INPP4B: variants seen among roughly 807,000 people sequenced by gnomAD.
INPP4B encodes inositol polyphosphate-4-phosphatase type II B.
A neutral mutation model predicts 122.5 loss-of-function variants in INPP4B; 55 were observed. The observed-to-expected ratio is 0.45, with a 90% CI of 0.36 to 0.56. The LOEUF (loss-of-function observed/expected upper bound fraction) is 0.56. Ranked by LOEUF, INPP4B falls within the 20% of genes least tolerant of loss-of-function variation. INPP4B has a pLI of 0.00. For synonymous variants in INPP4B, 403 were observed against 388.7 expected (o/e 1.04, Z -0.43); for missense variants, 1,000 against 1,097.7 (o/e 0.91, Z 1.26).
chr4:142,678,018 A>T (rs943362953), intron 2 of INPP4B, among the ~76,000 whole-genome samples: 20 of 151,850 alleles, frequency 1.3e-4, no homozygotes, highest in African/African-American at 4.8e-4. Flanking sequence ...GAAGAAAAGT[A>T]ACTTTAAAAA....
chr4:142,028,659 A>G lies in INPP4B; in HGVS notation c.*123T>C. 1 of 995,696 alleles carries G rather than the reference A, an allele frequency of 1.0e-6. No homozygotes were observed. Among genetic ancestry groups the G allele is most frequent in the Non-Finnish European group, 1.5e-6 (1 of 678,010 alleles). 61.7% of individuals were successfully genotyped at this position (995,696 alleles called of 1,614,324 possible). On this transcript the variant is annotated 3_prime_UTR_variant, in exon 26 of 26. Transcript: ENST00000262992. ...ATTGAAGTAGTTCCTAGATTTTGGGAAACATCTGTGATCATCTCCCCCACC... is the reference window on the plus strand; with the variant it reads ...ATTGAAGTAGTTCCTAGATTTTGGGGAACATCTGTGATCATCTCCCCCACC...
intron 2 of INPP4B, among the ~76,000 whole-genome samples, chr4:142,601,066 T>TAG (rs1190275115): frequency 2.6e-5 from 4 of 151,892 alleles, no homozygotes; most frequent in Non-Finnish European, 4.4e-5. Context: ...TTACCAGATC[T>TAG]AGAGAGAGAG....
Position 142,429,161 on chromosome 4 carries a change from G to A in INPP4B, c.136+12C>T. The A allele has an allele frequency of 1.3e-6, 2 of 1,482,202 alleles. No homozygotes were observed. The highest frequency in any genetic ancestry group is 1.9e-6 in the Non-Finnish European group (2 of 1,067,516). 91.8% of individuals were successfully genotyped at this position (1,482,202 alleles called of 1,614,324 possible). ...TTATATTTATTGATATAAATAAGAT[G>A]GAATTTCTTACCAAGGATGAATTCC... On this transcript the variant is annotated intron_variant, in intron 5 of 25. Transcript: ENST00000262992.
intron 25 of INPP4B, among the ~76,000 whole-genome samples, chr4:142,038,354 T>C (rs549998353): frequency 5.3e-5 from 8 of 152,302 alleles, no homozygotes; most frequent in Admixed American, 2.6e-4. Context: ...ATTTAGAATA[T>C]ATTATGTTAA....
At chr4:142,845,420 T>C (rs1784063172) in intron 1 of INPP4B, among the ~76,000 whole-genome samples, 1 of 152,098 alleles carries the variant, frequency 6.6e-6, no homozygotes, top group Non-Finnish European at 1.5e-5. Context: ...CCAGAGAGCT[T>C]GAGGAGCCTG....
intron 2 of INPP4B, among the ~76,000 whole-genome samples, chr4:142,638,702 T>C (rs1369935199): frequency 6.6e-6 from 1 of 151,956 alleles, no homozygotes; most frequent in Non-Finnish European, 1.5e-5. Flanking sequence ...CCCGCCACCA[T>C]GTCCGGCTAA....
At chr4:142,748,192 G>A (rs1220031708) in intron 1 of INPP4B, among the ~76,000 whole-genome samples, 3 of 151,900 alleles carry the variant, frequency 2.0e-5, no homozygotes, top group Non-Finnish European at 2.9e-5. Flanking sequence ...AAGAAACTTA[G>A]AAAATGTTTG....
At chr4:142,562,890 T>C (rs1233729075) in intron 2 of INPP4B, among the ~76,000 whole-genome samples, 2 of 152,164 alleles carry the variant, frequency 1.3e-5, no homozygotes, top group Non-Finnish European at 2.9e-5. Context: ...TAAATGCCAT[T>C]GTAGTTGAAT....
intron 7 of INPP4B, among the ~76,000 whole-genome samples, chr4:142,359,375 C>T (rs1784672709): frequency 6.6e-6 from 1 of 151,918 alleles, no homozygotes; most frequent in South Asian, 2.1e-4. Flanking sequence ...AGTACCTACC[C>T]TCATGTTGTT....
In INPP4B at chr4:142,267,995, T is replaced by C. The variant is rs115691460; in HGVS notation, c.615+2668A>G. Among the ~76,000 whole-genome samples, 724 of 152,082 alleles carry C rather than the reference T, an allele frequency of 4.8e-3. 10 individuals carry two copies. The highest frequency in any genetic ancestry group is 0.017 in the African/African-American group (692 of 41,532). On this transcript the variant is annotated intron_variant, in intron 10 of 25. Transcript: ENST00000262992. ...AATGCAAATTAAAACTACAATGAGA[T>C]ACTATTTCACACATGTCAGAATGAC...
At chr4:142,700,409 T>A (rs1761580310) in intron 2 of INPP4B, among the ~76,000 whole-genome samples, 1 of 152,220 alleles carries the variant, frequency 6.6e-6, no homozygotes, top group South Asian at 2.1e-4. Flanking sequence ...ATAATTCTTT[T>A]TTGTGCTGTA....
chr4:142,821,691 T>C (rs1780810373), intron 1 of INPP4B, among the ~76,000 whole-genome samples: 1 of 152,160 alleles, frequency 6.6e-6, no homozygotes, highest in South Asian at 2.1e-4. Context: ...CTTTTCTCAG[T>C]TTCTTAAACA....
chr4:142,049,078 TGAAGTTTTG>T (rs577208813), intron 25 of INPP4B, among the ~76,000 whole-genome samples: 393 of 152,032 alleles, frequency 2.6e-3, no homozygotes, highest in Non-Finnish European at 4.5e-3. Flanking sequence ...ACTGCACTCA[TGAAGTTTTG>T]GAAGTTTTGG....
rs1469327118 is a variant in INPP4B, at chr4:142,842,697, A to G, written c.-254+3512T>C. On this transcript the variant is annotated intron_variant, in intron 1 of 25. Transcript: ENST00000262992. Reference sequence around the variant, plus strand: ...TAATATTAATATATTAATATAATATATAATATATAAATATAATATATTAAT... The same window carrying G: ...TAATATTAATATATTAATATAATATGTAATATATAAATATAATATATTAAT... 1.4e-4 allele frequency among the ~76,000 whole-genome samples: 18 copies of G among 132,034 alleles called. No individual in the cohort carries two copies. In the East Asian group the frequency reaches 2.4e-3, roughly 18 times the overall value. 86.6% of individuals were successfully genotyped at this position (132,034 alleles called of 152,430 possible).
chr4:142,801,655 T>C (rs1288517286), intron 1 of INPP4B, among the ~76,000 whole-genome samples: 1 of 152,180 alleles, frequency 6.6e-6, no homozygotes, highest in Non-Finnish European at 1.5e-5. Flanking sequence ...TACAGATGGA[T>C]GTCAGTGAAA....
chr4:142,278,887 G>A (rs1247592950), intron 9 of INPP4B, among the ~76,000 whole-genome samples: 2 of 151,914 alleles, frequency 1.3e-5, no homozygotes, highest in East Asian at 3.9e-4. Context: ...CACCACAAAG[G>A]TCTTGGCTGT....
At chr4:142,176,586 A>G (rs946578246) in intron 15 of INPP4B, among the ~76,000 whole-genome samples, 1 of 152,236 alleles carries the variant, frequency 6.6e-6, no homozygotes, top group East Asian at 1.9e-4. Flanking sequence ...TTTATTCTGC[A>G]CATGTTCTTT....
chr4:142,227,874 A>AAAAAAAG (rs1561542092), intron 12 of INPP4B, among the ~76,000 whole-genome samples: 27 of 149,438 alleles, frequency 1.8e-4, no homozygotes, highest in African/African-American at 6.2e-4. Flanking sequence ...AAAAAAAAAA[A>AAAAAAAG]AAAAAAGAAA....
chr4:142,733,232 C>T lies in INPP4B; in HGVS notation c.-253-7331G>A, dbSNP rs139179454. Among the ~76,000 whole-genome samples, 24 of 152,176 alleles carry T rather than the reference C, an allele frequency of 1.6e-4. No homozygotes were observed. The East Asian group carries it at 4.4e-3, about 28-fold the overall frequency. On this transcript the variant is annotated intron_variant, in intron 1 of 25. Coordinates refer to ENST00000262992, the MANE Select transcript of INPP4B (RefSeq NM_001101669.3). ...AAGCTTTTAGAAGAAAATATCTTTC[C>T]CTTTGGGGCAGATCGTGATTTCTTA...
Sources: gnomAD v4.1 joint callset for allele counts (sites outside exome capture counted in the v4.1 genomes callset) on GRCh38, gnomAD v4.1.1 for gene constraint, MANE v1.5 for transcripts, NCBI Gene and HGNC (gene_info 2026-07-23, HGNC 2026-07-21) for gene names.